The following IPO5 variants were observed in gnomAD, a reference collection of about 807,000 sequenced individuals.
IPO5 encodes importin 5, also known as importin-5.
In IPO5, 18 loss-of-function variants were observed where a neutral mutation model predicts 143.3. The observed-to-expected ratio is 0.13, with a 90% CI of 0.09 to 0.19. IPO5 has a LOEUF of 0.19. Ranked by LOEUF, IPO5 falls within the 10% of genes least tolerant of loss-of-function variation. IPO5 has a pLI of 1.00. For missense variants in IPO5, 1,013 were observed against 1,336.9 expected (o/e 0.76, Z 3.78); for synonymous variants, 477 against 465.7 (o/e 1.02, Z -0.31).
chr13:97,990,704 C>T (rs1195943921), intron 9 of IPO5, among the ~76,000 whole-genome samples, 167 bp downstream of exon 9: 1 of 151,996 alleles, frequency 6.6e-6, no homozygotes, highest in Non-Finnish European at 1.5e-5. Flanking sequence ...TGTTTACTGC[C>T]TTTGAAAGAC....
chr13:97,960,976 C>T (rs1419821375), intron 2 of IPO5, among the ~76,000 whole-genome samples: 2 of 152,178 alleles, frequency 1.3e-5, no homozygotes, highest in African/African-American at 4.8e-5. Flanking sequence ...CTAGCACTCA[C>T]TGATTCCCCT....
chr13:98,014,358 A>G (rs1423802032), intron 22 of IPO5, 144 bp downstream of exon 22: 8 of 560,752 alleles, frequency 1.4e-5, no homozygotes, highest in Admixed American at 1.3e-4. Context: ...GCTCACTGCA[A>G]CCTCCACCTC....
chr13:98,012,394 GT>G (rs1566560558), intron 21 of IPO5, 52 bp downstream of exon 21: 2 of 1,060,980 alleles, frequency 1.9e-6, no homozygotes, highest in East Asian at 4.7e-5. Flanking sequence ...TAAACTTGTA[GT>G]TTCTTGGAGT....
intron 11 of IPO5, among the ~76,000 whole-genome samples, chr13:97,996,490 C>T (rs1054913156): frequency 6.6e-5 from 10 of 152,168 alleles, no homozygotes; most frequent in East Asian, 3.8e-4. Context: ...ACTGAGAGGA[C>T]GCTTATTCCA....
intron 3 of IPO5, chr13:97,975,874 C>T (rs1275878574): frequency 2.0e-6 from 2 of 981,582 alleles, no homozygotes; most frequent in East Asian, 1.1e-4. Flanking sequence ...GGCTGAGTAA[C>T]CCCTCTTCCG....
In IPO5 at chr13:97,989,110, A is replaced by T; in HGVS notation, c.413A>T (p.Asp138Val). Residue 138 changes from aspartate (D) to valine (V), a missense_variant, in exon 7 of 29, where the codon GAT (aspartate) becomes GTT (valine). This residue lies in a region of IPO5 where 328 missense variants were observed against 342.0 expected (regional missense o/e 0.96). Coordinates refer to ENST00000651721, the MANE Select transcript of IPO5 (RefSeq NM_002271.6). ...QWPEGLKFLF[D>V]SVSSQNVGLR... is the part of the protein sequence containing the mutation. Reference sequence around the variant, plus strand: ...CCCGAAGGTTTGAAGTTCCTTTTTGATTCAGTCAGCTCTCAAAATGTGGGA... The same window carrying T: ...CCCGAAGGTTTGAAGTTCCTTTTTGTTTCAGTCAGCTCTCAAAATGTGGGA... 6.2e-7 allele frequency: 1 copy of T among 1,613,356 alleles called. No individual in the cohort carries two copies. Among genetic ancestry groups the T allele is most frequent in the East Asian group, 2.2e-5 (1 of 44,868 alleles).
Position 98,019,830 on chromosome 13 carries a change from C to T in IPO5, c.3065+21C>T, listed in dbSNP as rs74108123. Reference sequence around the variant, plus strand: ...GAAAGGTAGGAAAGCAGACTGTGACCTTATTTCCTTCTCCTCCACAGTGCT... The same window carrying T: ...GAAAGGTAGGAAAGCAGACTGTGACTTTATTTCCTTCTCCTCCACAGTGCT... On this transcript the variant is annotated intron_variant, in intron 27 of 28. Transcript: ENST00000651721. 5,600 of 1,510,478 alleles carry T rather than the reference C, an allele frequency of 3.7e-3. 143 individuals carry two copies. The African/African-American group carries it at 0.065, about 17-fold the overall frequency. The allele number at this position is 1,510,478 out of a possible 1,614,324, so 93.6% of individuals were successfully genotyped here.
chr13:97,973,137 G>T (rs1220510349), intron 3 of IPO5, among the ~76,000 whole-genome samples: 2 of 148,764 alleles, frequency 1.3e-5, no homozygotes, highest in African/African-American at 5.0e-5. Flanking sequence ...CCGTCTCCTG[G>T]GTTCAAGCGA....
At chr13:97,972,422 G>T (rs1885898261) in intron 3 of IPO5, among the ~76,000 whole-genome samples, 1 of 152,206 alleles carries the variant, frequency 6.6e-6, no homozygotes, top group Non-Finnish European at 1.5e-5. Flanking sequence ...CTGGTCTCCT[G>T]CAGTATTACA....
chr13:98,018,321 T>G (rs1890256968), intron 25 of IPO5, among the ~76,000 whole-genome samples, 164 bp from the exon 26 acceptor site: 1 of 152,250 alleles, frequency 6.6e-6, no homozygotes, highest in Non-Finnish European at 1.5e-5. Context: ...ATCTGTGTAT[T>G]TGATTGAATA....
intron 20 of IPO5, 31 bp downstream of exon 20, chr13:98,010,255 A>G: frequency 2.5e-6 from 4 of 1,598,708 alleles, no homozygotes; most frequent in South Asian, 1.1e-5. Flanking sequence ...CTAAACTTTT[A>G]TTTTACATCT....
chr13:98,012,353 A>G lies in IPO5; in HGVS notation c.2152+11A>G. ...TTTATTTCCACGATGATATCCTACAACTTCTGAATACAAAACATGTCTAGA... is the reference window on the plus strand; with the variant it reads ...TTTATTTCCACGATGATATCCTACAGCTTCTGAATACAAAACATGTCTAGA... On this transcript the variant is annotated intron_variant, in intron 21 of 28. Coordinates refer to ENST00000651721, the MANE Select transcript of IPO5 (RefSeq NM_002271.6). 7.1e-7 allele frequency: 1 copy of G among 1,408,726 alleles called. No homozygotes were observed. Among genetic ancestry groups the G allele is most frequent in the East Asian group, 2.3e-5 (1 of 43,840 alleles). The allele number at this position is 1,408,726 out of a possible 1,614,324, so 87.3% of individuals were successfully genotyped here.
At chr13:97,971,228 T>C (rs1885801903) in intron 3 of IPO5, among the ~76,000 whole-genome samples, 1 of 152,182 alleles carries the variant, frequency 6.6e-6, no homozygotes, top group African/African-American at 2.4e-5. Context: ...AGTCAAAATT[T>C]CCCTGCCTGT....
At chr13:97,991,952 CCAT>C (rs1238822171) in intron 9 of IPO5, among the ~76,000 whole-genome samples, 1 of 152,128 alleles carries the variant, frequency 6.6e-6, no homozygotes, top group Non-Finnish European at 1.5e-5. Flanking sequence ...AATCGTGTGA[CCAT>C]CAAGAAATAT....
At chr13:97,974,974 C>T (rs1277256658) in intron 3 of IPO5, among the ~76,000 whole-genome samples, 1 of 152,222 alleles carries the variant, frequency 6.6e-6, no homozygotes, top group East Asian at 1.9e-4. Flanking sequence ...AGATTCTAAA[C>T]ACAGTGGCCA....
chr13:97,989,414 A>C (rs1279949485), intron 7 of IPO5, among the ~76,000 whole-genome samples: 3 of 152,072 alleles, frequency 2.0e-5, no homozygotes, highest in African/African-American at 4.8e-5. Flanking sequence ...ATGATTCTGA[A>C]AGTTTTATTG....
At chr13:97,968,621 T>G (rs1885551088) in intron 2 of IPO5, among the ~76,000 whole-genome samples, 1 of 152,252 alleles carries the variant, frequency 6.6e-6, no homozygotes, top group Non-Finnish European at 1.5e-5. Context: ...AATGTCCTCT[T>G]TATCTCTAAT....
chr13:97,982,414 T>G, intron 4 of IPO5, 89 bp from the exon 5 acceptor site: 1 of 813,480 alleles, frequency 1.2e-6, no homozygotes, highest in Non-Finnish European at 2.0e-6. Flanking sequence ...TAATTTCTCA[T>G]GCATCCTTCC....
chr13:98,016,912 A>G (rs1890153234), intron 25 of IPO5, 61 bp downstream of exon 25: 1 of 1,272,590 alleles, frequency 7.9e-7, no homozygotes, highest in Non-Finnish European at 1.1e-6. Context: ...TTTTCACTGC[A>G]ACGTAAAATC....
Sources: gnomAD v4.1 joint callset for allele counts (sites outside exome capture counted in the v4.1 genomes callset) on GRCh38, gnomAD v4.1.1 for gene constraint, gnomAD v4.1.1 regional missense constraint, MANE v1.5 for transcripts, NCBI Gene and HGNC (gene_info 2026-07-23, HGNC 2026-07-21) for gene names.